DACH2: variants seen among roughly 807,000 people sequenced by gnomAD.
The protein encoded by DACH2 is dachshund family transcription factor 2.
Under a neutral mutation model 35.8 loss-of-function variants are expected in DACH2, and 17 were observed. The observed-to-expected ratio is 0.48, with a 90% confidence interval of 0.33 to 0.71. DACH2 has a LOEUF of 0.71. Ranked by LOEUF, DACH2 falls within the 30% of genes least tolerant of loss-of-function variation. The pLI, the probability that DACH2 is intolerant of heterozygous loss-of-function variation, is 0.02. For synonymous variants in DACH2, 195 were observed against 177.3 expected (o/e 1.10, Z -0.79); for missense variants, 469 against 472.7 (o/e 0.99, Z 0.07).
At chrX:86,294,163 T>G (rs1479391230) in intron 1 of DACH2, among the ~76,000 whole-genome samples, 4 of 111,623 alleles carry the variant, frequency 3.6e-5, no homozygotes, top group Non-Finnish European at 7.5e-5. Flanking sequence ...TCTCACTTCA[T>G]TTCATTCATT....
chrX:86,472,544 T>C (rs1025337233), intron 2 of DACH2, among the ~76,000 whole-genome samples: 1 of 111,964 alleles, frequency 8.9e-6, no homozygotes, highest in African/African-American at 3.2e-5. Flanking sequence ...ATAAAAATGT[T>C]ATAGTAATAA....
intron 1 of DACH2, among the ~76,000 whole-genome samples, chrX:86,316,659 G>A (rs1458392944): frequency 9.0e-6 from 1 of 111,356 alleles, no homozygotes; most frequent in Non-Finnish European, 1.9e-5. Flanking sequence ...CTTTCTGCTG[G>A]AGGGAGGTGT....
At chrX:86,830,146 A>G (rs1289921371) in intron 11 of DACH2, 1 of 111,794 alleles carries the variant, frequency 8.9e-6, no homozygotes, top group Non-Finnish European at 1.9e-5. Context: ...TTTGACAGCT[A>G]CTACTAAGTG....
At position 86,558,196 on chromosome X, in the gene DACH2, T is replaced by A. The variant is rs1476589842; in HGVS notation, c.640+43805T>A. 5.0e-5 allele frequency among the ~76,000 whole-genome samples: 2 copies of A among 40,302 alleles called. 1 individual carries two copies. Among genetic ancestry groups the A allele is most frequent in the Non-Finnish European group, 8.0e-5 (2 of 25,109 alleles). The allele number at this position is 40,302 out of a possible 115,157, so 35.0% of individuals were successfully genotyped here. A position where few individuals can be genotyped will look rare whatever the true frequency, so the allele number is the denominator to read the frequency against. ...GCTTTTTCTGCATCTATTGAGATAA[T>A]CATGTGGTTTTTGTCTTTGGCTCTG... On this transcript the variant is annotated intron_variant, in intron 3 of 11. Coordinates refer to ENST00000373125, the MANE Select transcript of DACH2 (RefSeq NM_053281.3).
At chrX:86,241,184 A>T (rs1018422336) in intron 1 of DACH2, among the ~76,000 whole-genome samples, 16 of 112,017 alleles carry the variant, frequency 1.4e-4, no homozygotes, top group Non-Finnish European at 2.8e-4. Context: ...GATGTGGGAA[A>T]GTTTTGAACT....
chrX:86,516,978 T>C (rs747814664), intron 3 of DACH2, among the ~76,000 whole-genome samples: 4 of 111,726 alleles, frequency 3.6e-5, no homozygotes, highest in African/African-American at 9.8e-5. Context: ...TTTAGGTTGA[T>C]TCTGTGTCTT....
intron 1 of DACH2, among the ~76,000 whole-genome samples, chrX:86,266,247 C>A (rs2033710717): frequency 9.0e-6 from 1 of 111,250 alleles, no homozygotes; most frequent in South Asian, 3.8e-4. Context: ...AGGTGATGTC[C>A]ATGCTGCTTG....
chrX:86,627,286 C>T (rs1222496907), intron 3 of DACH2, among the ~76,000 whole-genome samples: 1 of 111,376 alleles, frequency 9.0e-6, no homozygotes, highest in African/African-American at 3.3e-5. Flanking sequence ...GCAAGAGTCA[C>T]CTTTATTCTA....
chrX:86,514,403 C>A lies in DACH2; in HGVS notation c.640+12C>A, dbSNP rs778413754. On this transcript the variant is annotated intron_variant, in intron 3 of 11. Transcript: ENST00000373125. The stretch of plus-strand genomic sequence containing the variant: ...TATCACTCCGACAGGTAATAAAATC[C>A]ATCTGATGATCAGCCATGTCTCTTC... The A allele has an allele frequency of 2.5e-5, 30 of 1,181,390 alleles. No homozygotes were observed. Among genetic ancestry groups the A allele is most frequent in the Admixed American group, 4.4e-5 (2 of 45,052 alleles).
chrX:86,485,437 G>A (rs1426738864), intron 2 of DACH2, among the ~76,000 whole-genome samples: 2 of 111,345 alleles, frequency 1.8e-5, no homozygotes, highest in East Asian at 2.8e-4. Context: ...TAGATAGGAA[G>A]GATAAGTTCT....
intron 3 of DACH2, among the ~76,000 whole-genome samples, chrX:86,582,808 A>G (rs1442197752): frequency 4.5e-5 from 5 of 109,947 alleles, no homozygotes; most frequent in Admixed American, 3.9e-4. Flanking sequence ...TACCATTCCT[A>G]CTAAAACTAT....
chrX:86,667,083 TAAAAAA>T (rs66948603), intron 4 of DACH2, among the ~76,000 whole-genome samples: 2 of 55,746 alleles, frequency 3.6e-5, no homozygotes, highest in African/African-American at 1.6e-4. Context: ...CCATCTCTAC[TAAAAAA>T]AAAAAAAAAA....
chrX:86,398,888 A>G (rs1356733352), intron 2 of DACH2, among the ~76,000 whole-genome samples: 2 of 111,661 alleles, frequency 1.8e-5, no homozygotes, highest in African/African-American at 6.5e-5. Context: ...ATTTCTGTGG[A>G]TGTCTATTAG....
At chrX:86,550,532 G>C (rs1403826836) in intron 3 of DACH2, among the ~76,000 whole-genome samples, 1 of 110,546 alleles carries the variant, frequency 9.0e-6, no homozygotes, top group African/African-American at 3.3e-5. Context: ...GCCACCAAAA[G>C]TCCTTTATTT....
At chrX:86,544,870 C>G (rs2038936169) in intron 3 of DACH2, among the ~76,000 whole-genome samples, 1 of 112,351 alleles carries the variant, frequency 8.9e-6, no homozygotes, top group Admixed American at 9.4e-5. Flanking sequence ...AAAGCAAGAC[C>G]TAATGATTTG....
intron 2 of DACH2, among the ~76,000 whole-genome samples, chrX:86,471,586 A>G (rs2037761079): frequency 9.0e-6 from 1 of 111,408 alleles, no homozygotes; most frequent in Non-Finnish European, 1.9e-5. Flanking sequence ...AAAGATAAAT[A>G]ACCACCCCAA....
chrX:86,590,901 T>C (rs1457523913), intron 3 of DACH2, among the ~76,000 whole-genome samples: 1 of 111,054 alleles, frequency 9.0e-6, no homozygotes, highest in Non-Finnish European at 1.9e-5. Context: ...GCCATGTTGG[T>C]GTGCTGCACC....
At chrX:86,268,852 T>C (rs1408955311) in intron 1 of DACH2, among the ~76,000 whole-genome samples, 1 of 110,892 alleles carries the variant, frequency 9.0e-6, no homozygotes, top group African/African-American at 3.3e-5. Flanking sequence ...TTAATTTTTG[T>C]GGTTACATAG....
chrX:86,827,789 C>T, intron 11 of DACH2: 1 of 1,165,956 alleles, frequency 8.6e-7, no homozygotes, highest in Non-Finnish European at 1.1e-6. Context: ...GCCGGAACTC[C>T]AACTGATCAT....
Sources: gnomAD v4.1 joint callset for allele counts (sites outside exome capture counted in the v4.1 genomes callset) on GRCh38, gnomAD v4.1.1 for gene constraint, MANE v1.5 for transcripts, NCBI Gene and HGNC (gene_info 2026-07-23, HGNC 2026-07-21) for gene names.